Variants in CFI observed in about 807,000 individuals in gnomAD.
CFI encodes complement factor I.
CFI carries 66 observed loss-of-function variants against 78.8 expected under a neutral mutation model. The observed-to-expected ratio is 0.84, with a 90% CI of 0.69 to 1.03. The LOEUF is 1.03. Ranked by LOEUF, CFI falls within the 50% of genes least tolerant of loss-of-function variation. The probability of loss-of-function intolerance (pLI) is 0.00; values close to 1 mark genes in which losing one functional copy is unlikely to be tolerated. For missense variants in CFI, 706 were observed against 704.5 expected, an observed-to-expected ratio of 1.00 and a Z score of -0.02; for synonymous variants, 250 against 232.6, an observed-to-expected ratio of 1.07 and a Z score of -0.68.
chr4:109,759,470 A>G (rs1429346339), intron 6 of CFI, among the ~76,000 whole-genome samples: 4 of 152,222 alleles, frequency 2.6e-5, no homozygotes, highest in African/African-American at 9.7e-5. Flanking sequence ...TTAGTGAATT[A>G]CTATTATAGT....
chr4:109,764,903 C>T (rs1414394216), intron 2 of CFI, among the ~76,000 whole-genome samples: 1 of 152,148 alleles, frequency 6.6e-6, no homozygotes, highest in Non-Finnish European at 1.5e-5. Flanking sequence ...TAAATACTCA[C>T]ATCAACCCTA....
At chr4:109,753,814 ATT>A in intron 7 of CFI, among the ~76,000 whole-genome samples, 1 of 83,544 alleles carries the variant, frequency 1.2e-5, no homozygotes, top group Admixed American at 1.9e-4. Context: ...CTAATGTATA[ATT>A]TTATATTATA....
At chr4:109,732,041 G>C in the CFI span, among the ~76,000 whole-genome samples, 1 of 47,130 alleles carries the variant, frequency 2.1e-5, no homozygotes, top group African/African-American at 1.5e-4. Flanking sequence ...CAACTCCCTA[G>C]TCCAGGGACA....
chr4:109,783,494 G>A (rs1364438258), intron 1 of CFI, among the ~76,000 whole-genome samples: 1 of 151,932 alleles, frequency 6.6e-6, no homozygotes, highest in Non-Finnish European at 1.5e-5. Flanking sequence ...ACTCCTGCAA[G>A]AATGGCCATA....
intron 10 of CFI, among the ~76,000 whole-genome samples, chr4:109,748,428 G>T (rs2126189638): frequency 6.6e-6 from 1 of 152,232 alleles, no homozygotes; most frequent in Non-Finnish European, 1.5e-5. Flanking sequence ...AAAATAATAT[G>T]TTCTACCATG....
intron 7 of CFI, among the ~76,000 whole-genome samples, chr4:109,756,988 G>C (rs925442157): frequency 6.8e-6 from 1 of 148,148 alleles, no homozygotes. Context: ...AAATTCTGAG[G>C]AGGATCATGA....
intron 11 of CFI, among the ~76,000 whole-genome samples, chr4:109,745,862 T>C (rs1724346245): frequency 6.6e-6 from 1 of 152,130 alleles, no homozygotes; most frequent in African/African-American, 2.4e-5. Flanking sequence ...CCCTTCAAAG[T>C]TTGCCACAGG....
intron 2 of CFI, among the ~76,000 whole-genome samples, chr4:109,765,447 T>C (rs1002654399): frequency 2.0e-5 from 3 of 152,226 alleles, no homozygotes; most frequent in Admixed American, 6.5e-5. Flanking sequence ...TGAAGAGCCC[T>C]GCATACATTG....
At chr4:109,766,124 A>AG (rs1035244065) in intron 2 of CFI, among the ~76,000 whole-genome samples, 1 of 152,158 alleles carries the variant, frequency 6.6e-6, no homozygotes, top group African/African-American at 2.4e-5. Context: ...TCTCAAAAAA[A>AG]CAAAACAAAC....
At chr4:109,768,790 C>A (rs959268819) in intron 1 of CFI, among the ~76,000 whole-genome samples, 1 of 152,118 alleles carries the variant, frequency 6.6e-6, no homozygotes, top group Non-Finnish European at 1.5e-5. Flanking sequence ...CTTTAAATGC[C>A]GTTAAGAAGG....
chr4:109,759,686 G>T (rs1726782604), intron 6 of CFI, among the ~76,000 whole-genome samples: 1 of 152,108 alleles, frequency 6.6e-6, no homozygotes, highest in African/African-American at 2.4e-5. Context: ...TCTGAGGTCA[G>T]GAGTTTGAGA....
Position 109,740,808 on chromosome 4 carries a change from A to T in CFI, c.*85T>A, listed in dbSNP as rs753660680. On this transcript the variant is annotated 3_prime_UTR_variant, in exon 13 of 13. Coordinates refer to ENST00000394634, the MANE Select transcript of CFI (RefSeq NM_000204.5). The stretch of plus-strand genomic sequence containing the variant: ...GAGATTTGCTTCATTTTTCCCCCCT[A>T]GAGAATTATTAATTATACCGTTTTA... 2.4e-6 allele frequency: 3 copies of T among 1,267,736 alleles called. No individual in the cohort carries two copies. Among genetic ancestry groups the T allele is most frequent in the South Asian group, 1.2e-5 (1 of 82,410 alleles). 78.5% of individuals were successfully genotyped at this position (1,267,736 alleles called of 1,614,324 possible).
At chr4:109,741,574 AACAAACGACAGGGCCTGG>A (rs1723798922) in intron 12 of CFI, among the ~76,000 whole-genome samples, 1 of 152,222 alleles carries the variant, frequency 6.6e-6, no homozygotes, top group African/African-American at 2.4e-5. Context: ...TCACACAGCT[AACAAACGACAGGGCCTGG>A]ACTTGAACCC....
At chr4:109,769,099 T>G (rs6533459) in intron 1 of CFI, among the ~76,000 whole-genome samples, 147,825 of 152,244 alleles carry the variant, frequency 0.97, 71,912 homozygotes, top group East Asian at 1. Context: ...CAGGTTTTAT[T>G]TATCACCTTT....
At chr4:109,762,734 G>A (rs907569487) in intron 3 of CFI, 1 of 152,076 alleles carries the variant, frequency 6.6e-6, no homozygotes, top group Non-Finnish European at 1.5e-5. Context: ...AGCCATTTGA[G>A]GCAATCTTAT....
chr4:109,780,148 G>T (rs1475994813), intron 1 of CFI, among the ~76,000 whole-genome samples: 1 of 152,068 alleles, frequency 6.6e-6, no homozygotes, highest in Non-Finnish European at 1.5e-5. Context: ...TGACAAATGG[G>T]ATCTAATTAA....
intron 1 of CFI, among the ~76,000 whole-genome samples, chr4:109,782,612 A>G (rs547842352): frequency 4.8e-4 from 73 of 152,218 alleles, no homozygotes; most frequent in Non-Finnish European, 8.4e-4. Context: ...AAAGAAATCT[A>G]CAAATTCAAT....
At chr4:109,792,954 C>T (rs1232540976) in intron 1 of CFI, among the ~76,000 whole-genome samples, 2 of 152,084 alleles carry the variant, frequency 1.3e-5, no homozygotes, top group African/African-American at 4.8e-5. Context: ...AATCCACTTC[C>T]ATTTAAAGTA....
Position 109,801,977 on chromosome 4 carries a change from A to G in CFI, c.-6T>C. 6.2e-7 allele frequency: 1 copy of G among 1,611,182 alleles called. No homozygotes were observed. Among genetic ancestry groups the G allele is most frequent in the East Asian group, 2.2e-5 (1 of 44,834 alleles). ...AAAACATGAAGAAGCTTCATGTTGG[A>G]GGTGTTCGGGGTCTTTGTCTCTGCT... On this transcript the variant is annotated 5_prime_UTR_variant, in exon 1 of 13. Transcript: ENST00000394634.
Sources: allele counts gnomAD v4.1 joint callset (sites outside exome capture counted in the v4.1 genomes callset), GRCh38; gene constraint gnomAD v4.1.1; transcripts MANE v1.5; gene names NCBI Gene and HGNC (gene_info 2026-07-23, HGNC 2026-07-21).